Variants in RECQL5 observed in about 807,000 individuals in gnomAD.
The protein encoded by RECQL5 is RecQ like helicase 5.
Under a neutral mutation model 103.4 loss-of-function variants are expected in RECQL5, and 88 were observed. The ratio of observed to expected loss-of-function variants is 0.85; its 90% CI spans 0.72 to 1.02. The LOEUF (loss-of-function observed/expected upper bound fraction) is 1.02, where lower values mean the gene tolerates loss of function less well. Ranked by LOEUF, RECQL5 falls within the 50% of genes least tolerant of loss-of-function variation. The pLI, the probability that RECQL5 is intolerant of heterozygous loss-of-function variation, is 0.00. For missense variants in RECQL5, 1,232 were observed against 1,284.3 expected, an observed-to-expected ratio of 0.96 and a Z score of 0.62; for synonymous variants, 552 against 507.9, an observed-to-expected ratio of 1.09 and a Z score of -1.17.
Position 75,627,261 on chromosome 17 carries a change from C to A in RECQL5, c.*161G>T, listed in dbSNP as rs1287132048. On this transcript the variant is annotated 3_prime_UTR_variant, in exon 20 of 20. Transcript: ENST00000317905. ...GAAAGAAAGGTGGGCTGACCTCTGA[C>A]CTGGATTCAGGGGGTGTCTGGGGTC... 3 of 703,906 alleles carry A rather than the reference C, an allele frequency of 4.3e-6. No homozygotes were observed. Among genetic ancestry groups the A allele is most frequent in the Admixed American group, 4.1e-5 (2 of 49,004 alleles). 43.6% of individuals were successfully genotyped at this position (703,906 alleles called of 1,614,324 possible).
rs751508218 is a variant in RECQL5, at chr17:75,650,604, G to A, written c.1229+582C>T. Reference sequence around the variant, plus strand: ...ATCCAAGAGCTTTTTAGACCAAAATGTAAAAACTCCTCCTGGGTGTCTCTC... The same window carrying A: ...ATCCAAGAGCTTTTTAGACCAAAATATAAAAACTCCTCCTGGGTGTCTCTC... On this transcript the variant is annotated intron_variant, in intron 8 of 19. Transcript: ENST00000317905. 3 of 1,600,696 alleles carry A rather than the reference G, an allele frequency of 1.9e-6. No homozygotes were observed. In the South Asian group the frequency reaches 3.4e-5, roughly 18 times the overall value.
chr17:75,627,049 C>T lies in RECQL5; in HGVS notation c.*373G>A, dbSNP rs1199069933. ...GAGTGGGTGGAGGATCTGAGGGTCC[C>T]CTGGGTAGGTTCCGATACCTTGGAC... On this transcript the variant is annotated 3_prime_UTR_variant, in exon 20 of 20. Transcript: ENST00000317905. The T allele has an allele frequency of 1.7e-5, 7 of 415,762 alleles. No homozygotes were observed. Among genetic ancestry groups the T allele is most frequent in the Non-Finnish European group, 3.4e-5 (7 of 208,384 alleles). 25.8% of individuals were successfully genotyped at this position (415,762 alleles called of 1,614,324 possible). A position where few individuals can be genotyped will look rare whatever the true frequency, so the allele number is the denominator to read the frequency against.
At chr17:75,628,819 AG>A (rs2059153617) in intron 16 of RECQL5, 57 bp from the exon 17 acceptor site, 1 of 1,601,082 alleles carries the variant, frequency 6.2e-7, no homozygotes, top group Non-Finnish European at 8.5e-7. Context: ...CCCTCATCCC[AG>A]GAGGCCTAGG....
rs192546084 is a variant in RECQL5, at chr17:75,631,638, G to T, written c.1260C>A (p.Phe420Leu). Reference protein sequence around the residue: ...GCRHAAIAKYFGDALPACAKG... With the variant: ...GCRHAAIAKYLGDALPACAKG... ...TGGCGCAGGCAGGCAGCGCATCCCC[G>T]AAGTACTTGGCAATGGCGGCATGGC... Residue 420 changes from phenylalanine to leucine, a missense_variant, in exon 9 of 20, where the codon TTC becomes TTA. Transcript: ENST00000317905. 1.2e-6 allele frequency: 2 copies of T among 1,611,760 alleles called. No individual in the cohort carries two copies. The highest frequency in any genetic ancestry group is 1.7e-6 in the Non-Finnish European group (2 of 1,179,828).
chr17:75,627,366 G>T lies in RECQL5; in HGVS notation c.*56C>A. ...CCTGGCATCAGCAGGTGAGGCCCAG[G>T]ATGACCCATGCTAGAATCTGGGGGA... On this transcript the variant is annotated 3_prime_UTR_variant, in exon 20 of 20. Transcript: ENST00000317905. 1 of 1,324,578 alleles carries T rather than the reference G, an allele frequency of 7.5e-7. No individual in the cohort carries two copies. The highest frequency in any genetic ancestry group is 1.1e-6 in the Non-Finnish European group (1 of 920,012). 82.1% of individuals were successfully genotyped at this position (1,324,578 alleles called of 1,614,324 possible). A position where few individuals can be genotyped will look rare whatever the true frequency, so the allele number is the denominator to read the frequency against.
intron 7 of RECQL5, among the ~76,000 whole-genome samples, chr17:75,656,504 T>G (rs572116896): frequency 6.6e-6 from 1 of 151,458 alleles, no homozygotes; most frequent in African/African-American, 2.4e-5. Context: ...TTTATGGTAA[T>G]GTGGAGAAAA....
chr17:75,628,796 G>A, intron 16 of RECQL5, 34 bp from the exon 17 acceptor site: 1 of 1,604,744 alleles, frequency 6.2e-7, no homozygotes, highest in Non-Finnish European at 8.5e-7. Context: ...CACAGCACTG[G>A]GTCCTGGTGG....
At chr17:75,652,204 G>A (rs2059564470) in intron 7 of RECQL5, among the ~76,000 whole-genome samples, 1 of 151,958 alleles carries the variant, frequency 6.6e-6, no homozygotes, top group African/African-American at 2.4e-5. Flanking sequence ...TCCAGCCTGG[G>A]CAACAGAGCA....
chr17:75,629,999 C>T (rs181755161), intron 14 of RECQL5, among the ~76,000 whole-genome samples, 157 bp from the exon 15 acceptor site: 1 of 151,468 alleles, frequency 6.6e-6, no homozygotes, highest in African/African-American at 2.4e-5. Context: ...CCCATCCTCA[C>T]AGGGTTGGCT....
chr17:75,663,779 G>A (rs113731988), intron 3 of RECQL5, among the ~76,000 whole-genome samples: 7,353 of 152,248 alleles, frequency 0.048, 276 homozygotes, highest in Non-Finnish European at 0.076. Flanking sequence ...TGTAAGCCGG[G>A]CGCGGTGGCT....
intron 3 of RECQL5, 41 bp downstream of exon 3, chr17:75,665,010 G>T: frequency 6.7e-7 from 1 of 1,492,996 alleles, no homozygotes; most frequent in South Asian, 1.3e-5. Context: ...AACCTTCCCC[G>T]AATCTTTTTG....
Position 75,640,668 on chromosome 17 carries a change from C to T in RECQL5, c.1230-9000G>A. 6.1e-6 allele frequency: 9 copies of T among 1,469,750 alleles called. No individual in the cohort carries two copies. Among genetic ancestry groups the T allele is most frequent in the Non-Finnish European group, 7.2e-6 (8 of 1,107,220 alleles). 91.0% of individuals were successfully genotyped at this position (1,469,750 alleles called of 1,614,324 possible). On this transcript the variant is annotated intron_variant, in intron 8 of 19. Coordinates refer to ENST00000317905, the MANE Select transcript of RECQL5 (RefSeq NM_004259.7). The surrounding 1 kb of genome is among the most constrained non-coding windows in gnomAD (Gnocchi z 4.6). The stretch of plus-strand genomic sequence containing the variant: ...CGCACCTCTCACCAGCCTCTCGGAT[C>T]TTTCTGACCTCCACCAAACCTGTGG...
Position 75,628,302 on chromosome 17 carries a change from A to T in RECQL5, c.2721T>A (p.Ala907=). The T allele has an allele frequency of 6.2e-7, 1 of 1,614,136 alleles. No homozygotes were observed. The highest frequency in any genetic ancestry group is 8.5e-7 in the Non-Finnish European group (1 of 1,180,032). Residue 907 remains alanine, a synonymous_variant, in exon 18 of 20, where the codon GCT becomes GCA. Coordinates refer to ENST00000317905, the MANE Select transcript of RECQL5 (RefSeq NM_004259.7). ...CAGCCTCCTTCAAGGAGACGCCAGG[A>T]GCGGAGAGCTGGAAGGGGTCTTGAG... ...PTAQDPFQLS[A]PGVSLKEAAN...
Position 75,658,383 on chromosome 17 carries a change from T to C in RECQL5, c.1064A>G (p.Lys355Arg). ...QESGRAGRDG[K>R]PSWCRLYYSR... ...GTAATAGAGACGGCACCAGGAAGGC[T>C]TCCCATCCCTGCCAGCCCGGCCAGA... is the stretch of plus-strand genomic sequence containing the variant. The change falls in exon 7 of 20, where the codon AAG becomes AGG. Residue 355 changes from lysine to arginine, a missense_variant. By Grantham distance (26) the Lys-to-Arg change is conservative. Coordinates refer to ENST00000317905, the MANE Select transcript of RECQL5 (RefSeq NM_004259.7). The C allele has an allele frequency of 6.2e-7, 1 of 1,614,098 alleles. No individual in the cohort carries two copies. Among genetic ancestry groups the C allele is most frequent in the Non-Finnish European group, 8.5e-7 (1 of 1,179,986 alleles).
intron 2 of RECQL5, 75 bp downstream of exon 2, chr17:75,666,353 A>G (rs1437186167): frequency 1.3e-6 from 2 of 1,523,372 alleles, no homozygotes; most frequent in South Asian, 1.2e-5. Flanking sequence ...ACGAAGGGTG[A>G]GGAGGAGGGT....
rs777459233 is a variant in RECQL5, at chr17:75,640,171, G to A, written c.1230-8503C>T. 53 of 1,528,402 alleles carry A rather than the reference G, an allele frequency of 3.5e-5. No homozygotes were observed. The South Asian group carries it at 4.4e-4, about 13-fold the overall frequency. The allele number at this position is 1,528,402 out of a possible 1,614,324, so 94.7% of individuals were successfully genotyped here. Reference sequence around the variant, plus strand: ...TGTTCTCTCTGCCCCAGCAGAGCCCGGCAGGAGCCCCAACAGGAAGCCAGC... The same window carrying A: ...TGTTCTCTCTGCCCCAGCAGAGCCCAGCAGGAGCCCCAACAGGAAGCCAGC... On this transcript the variant is annotated intron_variant, in intron 8 of 19. Coordinates refer to ENST00000317905, the MANE Select transcript of RECQL5 (RefSeq NM_004259.7). The surrounding 1 kb of genome is among the most constrained non-coding windows in gnomAD (Gnocchi z 4.6).
rs1456696760 is a variant in RECQL5 at position 75,666,341 on chromosome 17, G to A, written c.130+87C>T. On this transcript the variant is annotated intron_variant, in intron 2 of 19. Transcript: ENST00000317905. ...CCAGTTATGGACCAAAGGTGAGGCAGTACGAAGGGTGAGGAGGAGGGTGTT... is the reference window on the plus strand; with the variant it reads ...CCAGTTATGGACCAAAGGTGAGGCAATACGAAGGGTGAGGAGGAGGGTGTT... 4.8e-6 allele frequency: 7 copies of A among 1,466,016 alleles called. No individual in the cohort carries two copies. The Middle Eastern group carries it at 5.8e-4, about 121-fold the overall frequency. 90.8% of individuals were successfully genotyped at this position (1,466,016 alleles called of 1,614,324 possible).
intron 3 of RECQL5, 128 bp from the exon 4 acceptor site, chr17:75,663,125 G>A: frequency 2.2e-6 from 2 of 900,606 alleles, no homozygotes; most frequent in Non-Finnish European, 3.4e-6. Context: ...TCTTTGCATA[G>A]AAGTAGTAGA....
At chr17:75,656,986 C>T (rs2059630924) in intron 7 of RECQL5, among the ~76,000 whole-genome samples, 1 of 152,112 alleles carries the variant, frequency 6.6e-6, no homozygotes, top group South Asian at 2.1e-4. Flanking sequence ...CCTCGTGATC[C>T]ACCCGCCTCG....
Sources: gnomAD v4.1 joint callset for allele counts (sites outside exome capture counted in the v4.1 genomes callset) on GRCh38, gnomAD v4.1.1 for gene constraint, Gnocchi (gnomAD v3.1) non-coding constraint, MANE v1.5 for transcripts, NCBI Gene and HGNC (gene_info 2026-07-23, HGNC 2026-07-21) for gene names.